ZFPM2: variants seen among roughly 807,000 people sequenced by gnomAD.
ZFPM2 encodes zinc finger protein ZFPM2.
A neutral mutation model predicts 98.6 loss-of-function variants in ZFPM2; 20 were observed. The observed-to-expected ratio is 0.20, with a 90% CI of 0.14 to 0.29. The LOEUF is 0.29. ZFPM2 is among the 10% of genes least tolerant of loss of function. The pLI is 1.00. For synonymous variants in ZFPM2, 518 were observed against 502.7 expected, an observed-to-expected ratio of 1.03 and a Z score of -0.41; for missense variants, 1,310 against 1,388.6, an observed-to-expected ratio of 0.94 and a Z score of 0.90.
At chr8:105,709,371 G>A (rs1811329356) in intron 5 of ZFPM2, among the ~76,000 whole-genome samples, 1 of 152,094 alleles carries the variant, frequency 6.6e-6, no homozygotes, top group African/African-American at 2.4e-5. Flanking sequence ...AATGGAGTTG[G>A]TCAAAAGATT....
chr8:105,406,482 G>T lies in ZFPM2; in HGVS notation c.41-12662G>T, dbSNP rs907416232. ...AGATGGATTAAAGACCTACATGTTA[G>T]ACCTAAAACCATAAAATCCCTAGAA... On this transcript the variant is annotated intron_variant, in intron 1 of 7. Transcript: ENST00000407775. Among the ~76,000 whole-genome samples, 4 of 152,072 alleles carry T rather than the reference G, an allele frequency of 2.6e-5. No individual in the cohort carries two copies. The East Asian group carries it at 5.8e-4, about 22-fold the overall frequency.
rs942448692 is a variant in ZFPM2 at position 105,485,314 on chromosome 8, TG to T, written c.301+40934del. ...GTTTTTTTTTGTTTGTTTGTTTGTTTGTTTTTGATTGAGTGAGAATAACAAA... is the reference window on the plus strand; with the variant it reads ...GTTTTTTTTTGTTTGTTTGTTTGTTTTTTTTGATTGAGTGAGAATAACAAA... On this transcript the variant is annotated intron_variant, in intron 3 of 7. Transcript: ENST00000407775. Among the ~76,000 whole-genome samples the T allele has an allele frequency of 3.1e-3, 451 of 146,984 alleles. 4 individuals carry two copies. Among genetic ancestry groups the T allele is most frequent in the African/African-American group, 0.012 (422 of 36,692 alleles).
At chr8:105,421,528 G>A (rs1336172137) in intron 2 of ZFPM2, among the ~76,000 whole-genome samples, 1 of 152,156 alleles carries the variant, frequency 6.6e-6, no homozygotes, top group Admixed American at 6.5e-5. Context: ...ACTGAAGTCA[G>A]TTGGAACTGG....
chr8:105,739,480 AATTCTATTT>A (rs1310474833), intron 5 of ZFPM2, among the ~76,000 whole-genome samples: 1 of 152,006 alleles, frequency 6.6e-6, no homozygotes, highest in African/African-American at 2.4e-5. Context: ...CATCTACTGA[AATTCTATTT>A]ATGAATATTC....
intron 5 of ZFPM2, among the ~76,000 whole-genome samples, chr8:105,691,578 T>G (rs1163447990): frequency 6.6e-6 from 1 of 152,184 alleles, no homozygotes; most frequent in Non-Finnish European, 1.5e-5. Context: ...CCCTCACTAT[T>G]TTTGACTATA....
intron 5 of ZFPM2, among the ~76,000 whole-genome samples, chr8:105,772,587 CTGT>C (rs1363616443): frequency 2.0e-5 from 3 of 152,032 alleles, no homozygotes; most frequent in Non-Finnish European, 4.4e-5. Flanking sequence ...CCATTCAAAC[CTGT>C]TGTTGTTTTC....
At chr8:105,677,589 G>A (rs1294209039) in intron 5 of ZFPM2, among the ~76,000 whole-genome samples, 1 of 149,344 alleles carries the variant, frequency 6.7e-6, no homozygotes, top group East Asian at 2.0e-4. Context: ...TTTTTTTTAA[G>A]TAGCTATCTA....
intron 1 of ZFPM2, among the ~76,000 whole-genome samples, chr8:105,403,436 A>G (rs1811378486): frequency 6.6e-6 from 1 of 152,132 alleles, no homozygotes; most frequent in East Asian, 1.9e-4. Context: ...CAAATGTAGA[A>G]ATGTAGATTT....
intron 5 of ZFPM2, among the ~76,000 whole-genome samples, chr8:105,777,753 G>A (rs1272543505): frequency 1.3e-5 from 2 of 152,028 alleles, no homozygotes; most frequent in Non-Finnish European, 2.9e-5. Context: ...GCATGTTGCT[G>A]CATACGAAAA....
At chr8:105,636,286 T>C (rs1357492593) in intron 5 of ZFPM2, among the ~76,000 whole-genome samples, 1 of 152,178 alleles carries the variant, frequency 6.6e-6, no homozygotes, top group African/African-American at 2.4e-5. Flanking sequence ...TGGTTGGCTA[T>C]ACCTTATATC....
intron 5 of ZFPM2, among the ~76,000 whole-genome samples, chr8:105,724,007 T>A (rs1442383081): frequency 6.6e-6 from 1 of 151,810 alleles, no homozygotes; most frequent in Non-Finnish European, 1.5e-5. Flanking sequence ...CAAAACTCTG[T>A]CTAAAATTAT....
intron 4 of ZFPM2, among the ~76,000 whole-genome samples, chr8:105,583,931 A>G (rs1360005872): frequency 1.3e-4 from 20 of 152,230 alleles, no homozygotes; most frequent in Admixed American, 1.3e-3. Flanking sequence ...AAGACCTGTA[A>G]GAAAAGGTTA....
At chr8:105,791,758 C>T (rs1354719210) in intron 6 of ZFPM2, among the ~76,000 whole-genome samples, 3 of 152,184 alleles carry the variant, frequency 2.0e-5, no homozygotes, top group Non-Finnish European at 2.9e-5. Flanking sequence ...ATTATTGCCA[C>T]AATTTCAGCT....
Position 105,428,307 on chromosome 8 carries a change from T to C in ZFPM2, c.199+9005T>C, listed in dbSNP as rs376990872. Among the ~76,000 whole-genome samples the C allele has an allele frequency of 1.6e-4, 25 of 152,286 alleles. No individual in the cohort carries two copies. In the East Asian group the frequency reaches 2.9e-3, roughly 18 times the overall value. On this transcript the variant is annotated intron_variant, in intron 2 of 7. Coordinates refer to ENST00000407775, the MANE Select transcript of ZFPM2 (RefSeq NM_012082.4). ...AACCAAATAAACAAAAAGGCTAACA[T>C]AAATGAATTAGGGATGTTCTTAAAA...
chr8:105,496,978 G>T (rs1338812586), intron 3 of ZFPM2, among the ~76,000 whole-genome samples: 1 of 84,282 alleles, frequency 1.2e-5, no homozygotes, highest in Admixed American at 1.9e-4. Context: ...GTGAAACTCC[G>T]TCTCAAAAAA....
intron 1 of ZFPM2, among the ~76,000 whole-genome samples, chr8:105,393,642 G>A (rs1362921288): frequency 3.6e-4 from 55 of 152,092 alleles, no homozygotes; most frequent in African/African-American, 9.6e-5. Flanking sequence ...GTTAGTGCTG[G>A]CATAGTCTTG....
intron 1 of ZFPM2, among the ~76,000 whole-genome samples, chr8:105,384,410 C>T (rs1810944757): frequency 6.6e-6 from 1 of 152,038 alleles, no homozygotes; most frequent in Non-Finnish European, 1.5e-5. Context: ...TTCTTCCCCT[C>T]AGTTAATCCC....
intron 4 of ZFPM2, among the ~76,000 whole-genome samples, chr8:105,625,325 A>T (rs1669014646): frequency 2.0e-5 from 3 of 152,128 alleles, no homozygotes; most frequent in Admixed American, 1.3e-4. Flanking sequence ...AACACAAATA[A>T]GATAGGTTCT....
At chr8:105,322,422 G>T (rs1166352171) in intron 1 of ZFPM2, among the ~76,000 whole-genome samples, 3 of 148,366 alleles carry the variant, frequency 2.0e-5, no homozygotes, top group African/African-American at 7.4e-5. Context: ...AAGTGTATTG[G>T]CTATGGGTGC....
Sources: gnomAD v4.1 joint callset for allele counts (sites outside exome capture counted in the v4.1 genomes callset) on GRCh38, gnomAD v4.1.1 for gene constraint, MANE v1.5 for transcripts, NCBI Gene and HGNC (gene_info 2026-07-23, HGNC 2026-07-21) for gene names.